The following CDH13 variants were observed in gnomAD, a reference collection of about 807,000 sequenced individuals.
CDH13 encodes the protein cadherin-13.
In CDH13, 24 loss-of-function variants were observed where a neutral mutation model predicts 63.8. The observed-to-expected ratio is 0.38, with a 90% CI of 0.27 to 0.53. The LOEUF (loss-of-function observed/expected upper bound fraction) is 0.53. Among genes scored for constraint, CDH13 ranks in the 20% least tolerant of loss-of-function variants. CDH13 has a pLI of 0.85. For missense variants in CDH13, 1,049 were observed against 903.1 expected (o/e 1.16, Z -2.07); for synonymous variants, 503 against 355.3 (o/e 1.42, Z -4.67).
At chr16:82,984,964 C>G (rs1910752161) in intron 2 of CDH13, among the ~76,000 whole-genome samples, 1 of 152,126 alleles carries the variant, frequency 6.6e-6, no homozygotes, top group Non-Finnish European at 1.5e-5. Context: ...CTTGCAAAGC[C>G]AGAACACCTG....
chr16:82,713,309 T>C (rs1430977083), intron 1 of CDH13, among the ~76,000 whole-genome samples: 3 of 152,122 alleles, frequency 2.0e-5, no homozygotes, highest in Admixed American at 2.0e-4. Context: ...CTATACACAC[T>C]GGTATCTAAG....
At chr16:83,335,752 T>G (rs1446725966) in intron 5 of CDH13, among the ~76,000 whole-genome samples, 1 of 152,074 alleles carries the variant, frequency 6.6e-6, no homozygotes, top group African/African-American at 2.4e-5. Flanking sequence ...TTTGTTCCGA[T>G]CTAATTACCG....
chr16:83,599,597 T>G (rs1047708980), intron 7 of CDH13, among the ~76,000 whole-genome samples: 7 of 152,116 alleles, frequency 4.6e-5, no homozygotes, highest in African/African-American at 1.7e-4. Context: ...ATTGTCAACA[T>G]TTTGAAAACC....
At chr16:83,345,879 G>A (rs899147981) in intron 6 of CDH13, among the ~76,000 whole-genome samples, 1 of 152,028 alleles carries the variant, frequency 6.6e-6, no homozygotes, top group Non-Finnish European at 1.5e-5. Context: ...ATAGTGATTC[G>A]TCAGACCAGA....
In CDH13 at chr16:83,094,510, C is replaced by G. The variant is rs79312847; in HGVS notation, c.367-30875C>G. Among the ~76,000 whole-genome samples, 473 of 152,236 alleles carry G rather than the reference C, an allele frequency of 3.1e-3. 1 individual carries two copies. Among genetic ancestry groups the G allele is most frequent in the African/African-American group, 0.011 (439 of 41,534 alleles). On this transcript the variant is annotated intron_variant, in intron 3 of 13. Transcript: ENST00000567109. ...AGGACAAGGAGCTGAGGTCTTATGCCTCCACATTGACTAGTCATTGAATGT... is the reference window on the plus strand; with the variant it reads ...AGGACAAGGAGCTGAGGTCTTATGCGTCCACATTGACTAGTCATTGAATGT...
intron 6 of CDH13, among the ~76,000 whole-genome samples, chr16:83,421,596 A>T (rs1254598223): frequency 6.6e-6 from 1 of 152,234 alleles, no homozygotes; most frequent in African/African-American, 2.4e-5. Flanking sequence ...TTCCATCAGG[A>T]AAGAAAATCC....
At chr16:82,933,714 C>T (rs2042574265) in intron 2 of CDH13, among the ~76,000 whole-genome samples, 1 of 152,142 alleles carries the variant, frequency 6.6e-6, no homozygotes, top group African/African-American at 2.4e-5. Context: ...GAGATACAGG[C>T]ATTGGGTAAA....
intron 6 of CDH13, among the ~76,000 whole-genome samples, chr16:83,391,208 C>CA (rs1182543426): frequency 6.9e-6 from 1 of 144,592 alleles, no homozygotes; most frequent in African/African-American, 2.6e-5. Context: ...CCTGCCTACA[C>CA]ACTTTTTTTT....
At chr16:83,704,080 C>G (rs12926347) in intron 10 of CDH13, among the ~76,000 whole-genome samples, 28,915 of 152,072 alleles carry the variant, frequency 0.19, 3,280 homozygotes, top group African/African-American at 0.33. Context: ...CACCTCACAC[C>G]CATCCCTAAC....
intron 7 of CDH13, among the ~76,000 whole-genome samples, chr16:83,593,795 C>G (rs1567791800): frequency 6.6e-6 from 1 of 151,948 alleles, no homozygotes; most frequent in Non-Finnish European, 1.5e-5. Flanking sequence ...AAGAAAAGGC[C>G]CCTGATCTCA....
At chr16:82,629,866 A>G (rs1907798145) in intron 1 of CDH13, among the ~76,000 whole-genome samples, 1 of 152,224 alleles carries the variant, frequency 6.6e-6, no homozygotes, top group African/African-American at 2.4e-5. Flanking sequence ...ATCAAGAAAG[A>G]AATGAGCAAG....
At chr16:83,751,932 G>A (rs1384687396) in intron 11 of CDH13, among the ~76,000 whole-genome samples, 1 of 152,312 alleles carries the variant, frequency 6.6e-6, no homozygotes, top group East Asian at 1.9e-4. Flanking sequence ...AATGGAATAA[G>A]GAGAGATTTT....
At chr16:83,080,013 A>G (rs1330306134) in intron 3 of CDH13, among the ~76,000 whole-genome samples, 3 of 152,242 alleles carry the variant, frequency 2.0e-5, no homozygotes, top group Non-Finnish European at 4.4e-5. Flanking sequence ...TAAAAATGAC[A>G]TATCTGTCTC....
intron 5 of CDH13, among the ~76,000 whole-genome samples, chr16:83,328,184 A>G (rs1484984230): frequency 1.3e-5 from 2 of 152,146 alleles, no homozygotes; most frequent in African/African-American, 4.8e-5. Flanking sequence ...AAGTGAAAGA[A>G]AAGATGTTGA....
intron 10 of CDH13, chr16:83,717,116 CA>C (rs1266380697): frequency 6.6e-6 from 1 of 152,158 alleles, no homozygotes; most frequent in East Asian, 1.9e-4. Context: ...AAAAATTAGC[CA>C]GGGGTAGTGG....
rs187431108 is a variant in CDH13, at chr16:82,792,905, C to T, written c.46-65457C>T. Among the ~76,000 whole-genome samples, 403 of 145,976 alleles carry T rather than the reference C, an allele frequency of 2.8e-3. 1 individual carries two copies. Among genetic ancestry groups the T allele is most frequent in the African/African-American group, 9.5e-3 (383 of 40,370 alleles). ...TCCACATGAAATGCCTGGCACTCTC[C>T]CAAAGGCACCCATGGGCTTGGAGGG... On this transcript the variant is annotated intron_variant, in intron 1 of 13. Transcript: ENST00000567109.
intron 6 of CDH13, among the ~76,000 whole-genome samples, chr16:83,462,678 C>T (rs890943217): frequency 6.6e-6 from 1 of 152,176 alleles, no homozygotes; most frequent in South Asian, 2.1e-4. Flanking sequence ...ATCACTTGAA[C>T]CTGGAAGGTG....
chr16:83,103,787 T>C (rs2034631431), intron 3 of CDH13, among the ~76,000 whole-genome samples: 1 of 152,208 alleles, frequency 6.6e-6, no homozygotes, highest in Non-Finnish European at 1.5e-5. Context: ...ACTTAGTGCC[T>C]AATTCACAGT....
chr16:82,639,359 G>A, intron 1 of CDH13: 1 of 1,534,282 alleles, frequency 6.5e-7, no homozygotes, highest in Non-Finnish European at 8.7e-7. Context: ...CTTTTGACCA[G>A]GGCCAAACAA....
Sources: allele counts gnomAD v4.1 joint callset (sites outside exome capture counted in the v4.1 genomes callset), GRCh38; gene constraint gnomAD v4.1.1; transcripts MANE v1.5; gene names NCBI Gene and HGNC (gene_info 2026-07-23, HGNC 2026-07-21).